Variants in KCTD16 observed in about 807,000 individuals in gnomAD.
KCTD16 encodes potassium channel tetramerization domain containing 16, also known as BTB/POZ domain-containing protein KCTD16.
In KCTD16, 13 loss-of-function variants were observed where a neutral mutation model predicts 33.2. The observed-to-expected ratio is 0.39, with a 90% CI of 0.25 to 0.62. The LOEUF is 0.62. KCTD16 is among the 20% of genes least tolerant of loss of function. The pLI is 0.50. For synonymous variants in KCTD16, 197 were observed against 195.3 expected (o/e 1.01, Z -0.07); for missense variants, 441 against 525.1 (o/e 0.84, Z 1.57).
rs138581516 is a variant in KCTD16 at position 144,308,443 on chromosome 5, CG to C, written c.832+100900del. 3.2e-3 allele frequency among the ~76,000 whole-genome samples: 486 copies of C among 152,266 alleles called. 2 individuals are homozygous for C. The highest frequency in any genetic ancestry group is 0.011 in the African/African-American group (472 of 41,566). On this transcript the variant is annotated intron_variant, in intron 3 of 3. Coordinates refer to ENST00000512467, the MANE Select transcript of KCTD16 (RefSeq NM_020768.4). ...TGGGAAAAATTTAGCCCGCCTGAGGCGGGTGGGCAGGTGTTGATTTTTTTGT... is the reference window on the plus strand; with the variant it reads ...TGGGAAAAATTTAGCCCGCCTGAGGCGGTGGGCAGGTGTTGATTTTTTTGT...
At chr5:144,383,918 T>C (rs188909050) in intron 3 of KCTD16, among the ~76,000 whole-genome samples, 1 of 152,262 alleles carries the variant, frequency 6.6e-6, no homozygotes, top group East Asian at 1.9e-4. Context: ...TACGTAAGAA[T>C]CTATTCATTA....
intron 3 of KCTD16, among the ~76,000 whole-genome samples, chr5:144,344,895 G>C (rs1268227426): frequency 3.3e-5 from 5 of 151,054 alleles, no homozygotes; most frequent in Middle Eastern, 3.4e-3. Context: ...GCTATAAAGA[G>C]ACATGCACAC....
Position 144,207,382 on chromosome 5 carries a change from C to A in KCTD16, c.668C>A (p.Thr223Asn). Residue 223 changes from threonine (T) to asparagine (N), a missense_variant, in exon 3 of 4, where the codon ACC becomes AAC. Physicochemically the swap from Thr to Asn is moderately conservative, Grantham distance 65 (BLOSUM62 0). Transcript: ENST00000512467. ...RDPDRAPERY[T>N]SRFYLKFKHL... ...CCTGATCGAGCCCCAGAAAGATACACCTCCAGATTTTATCTCAAATTCAAG... is the reference window on the plus strand; with the variant it reads ...CCTGATCGAGCCCCAGAAAGATACAACTCCAGATTTTATCTCAAATTCAAG... 1.2e-6 allele frequency: 2 copies of A among 1,614,188 alleles called. No individual in the cohort carries two copies. Among genetic ancestry groups the A allele is most frequent in the Non-Finnish European group, 1.7e-6 (2 of 1,180,038 alleles).
At chr5:144,414,241 G>A (rs1008592999) in intron 3 of KCTD16, among the ~76,000 whole-genome samples, 1 of 151,986 alleles carries the variant, frequency 6.6e-6, no homozygotes, top group African/African-American at 2.4e-5. Context: ...TCCTCTCCAC[G>A]GTGTCGACAT....
At chr5:144,222,779 A>G (rs1753802095) in intron 3 of KCTD16, among the ~76,000 whole-genome samples, 1 of 152,238 alleles carries the variant, frequency 6.6e-6, no homozygotes, top group Non-Finnish European at 1.5e-5. Context: ...TGACCCAGCC[A>G]TCCCATTACT....
At chr5:144,271,184 T>C (rs1339924938) in intron 3 of KCTD16, among the ~76,000 whole-genome samples, 2 of 152,026 alleles carry the variant, frequency 1.3e-5, no homozygotes, top group African/African-American at 4.8e-5. Context: ...CAGTATTACC[T>C]TAATACCAAA....
At chr5:144,463,408 TAAAAACTTA>T in intron 3 of KCTD16, among the ~76,000 whole-genome samples, 1 of 152,256 alleles carries the variant, frequency 6.6e-6, no homozygotes, top group Non-Finnish European at 1.5e-5. Flanking sequence ...AATTGTCTTC[TAAAAACTTA>T]TTATTCAGTG....
Position 144,484,438 on chromosome 5 carries a change from A to G in KCTD16, c.*10324A>G, listed in dbSNP as rs749104570. ...AATCTTAGTTGAATTCCTCTTCCCC[A>G]TGTCTTTCAAAACCAGAGCACTGGG... On this transcript the variant is annotated 3_prime_UTR_variant, in exon 4 of 4. Transcript: ENST00000512467. The G allele has an allele frequency of 6.6e-5, 10 of 152,072 alleles. No individual in the cohort carries two copies. Among genetic ancestry groups the G allele is most frequent in the Admixed American group, 1.3e-4 (2 of 15,238 alleles). 9.4% of individuals were successfully genotyped at this position (152,072 alleles called of 1,614,324 possible).
At chr5:144,470,020 C>T (rs527565266) in intron 3 of KCTD16, among the ~76,000 whole-genome samples, 2 of 151,902 alleles carry the variant, frequency 1.3e-5, no homozygotes, top group East Asian at 1.9e-4. Flanking sequence ...CTTCCCACAT[C>T]TGGCTAATCA....
At chr5:144,472,005 T>A (rs1439806996) in intron 3 of KCTD16, among the ~76,000 whole-genome samples, 1 of 152,222 alleles carries the variant, frequency 6.6e-6, no homozygotes, top group Non-Finnish European at 1.5e-5. Context: ...ACAGACTTTA[T>A]ACAAGAAGAT....
intron 3 of KCTD16, among the ~76,000 whole-genome samples, chr5:144,265,850 G>A (rs887621149): frequency 7.2e-5 from 11 of 152,262 alleles, no homozygotes; most frequent in Admixed American, 7.2e-4. Flanking sequence ...ATTACGTAAT[G>A]TGCCAAGTTC....
intron 3 of KCTD16, among the ~76,000 whole-genome samples, chr5:144,343,145 A>G (rs1462414355): frequency 6.6e-6 from 1 of 152,136 alleles, no homozygotes; most frequent in Non-Finnish European, 1.5e-5. Flanking sequence ...ATAGTTTCAG[A>G]AGGAATGATA....
At chr5:144,265,637 TTC>T (rs1266613742) in intron 3 of KCTD16, among the ~76,000 whole-genome samples, 2 of 152,312 alleles carry the variant, frequency 1.3e-5, no homozygotes, top group Admixed American at 1.3e-4. Context: ...CTGTGCTTGG[TTC>T]TTAGAACACT....
rs368957124 is a variant in KCTD16, at chr5:144,479,365, C to CAAAAAAAAAAAAAAAAA, written c.*5267_*5268insAAAAAAAAAAAAAAAAA. 6 of 92,340 alleles carry CAAAAAAAAAAAAAAAAA rather than the reference C, an allele frequency of 6.5e-5. No individual in the cohort carries two copies. Among genetic ancestry groups the CAAAAAAAAAAAAAAAAA allele is most frequent in the South Asian group, 3.9e-4 (1 of 2,576 alleles). 5.7% of individuals were successfully genotyped at this position (92,340 alleles called of 1,614,324 possible). ...CCAAACTGATGTGTAAGAATAAATG[C>CAAAAAAAAAAAAAAAAA]AAAAAAAAAAAAAAAAGAAAAAGAA... On this transcript the variant is annotated 3_prime_UTR_variant, in exon 4 of 4. Transcript: ENST00000512467.
At chr5:144,204,423 G>T (rs1171769212) in intron 2 of KCTD16, among the ~76,000 whole-genome samples, 1 of 152,192 alleles carries the variant, frequency 6.6e-6, no homozygotes, top group Non-Finnish European at 1.5e-5. Context: ...AGGCTCAACT[G>T]GAAGCACTTT....
At chr5:144,374,338 G>T (rs1436207037) in intron 3 of KCTD16, among the ~76,000 whole-genome samples, 1 of 150,450 alleles carries the variant, frequency 6.6e-6, no homozygotes, top group African/African-American at 2.5e-5. Flanking sequence ...CATTCTTCTA[G>T]GTACTCTGGG....
chr5:144,265,936 G>A (rs532539782), intron 3 of KCTD16, among the ~76,000 whole-genome samples: 2 of 152,130 alleles, frequency 1.3e-5, no homozygotes, highest in African/African-American at 4.8e-5. Context: ...CCTATATATG[G>A]CCTCAAAAAG....
chr5:144,480,281 T>C lies in KCTD16; in HGVS notation c.*6167T>C, dbSNP rs1754679197. ...TTACATAGTTTAACAGCTTTTTAGT[T>C]CAGCACAATAGTTTGTCTCTACTGT... On this transcript the variant is annotated 3_prime_UTR_variant, in exon 4 of 4. Transcript: ENST00000512467. 1 of 151,976 alleles carries C rather than the reference T, an allele frequency of 6.6e-6. No individual in the cohort carries two copies. Among genetic ancestry groups the C allele is most frequent in the Non-Finnish European group, 1.5e-5 (1 of 67,928 alleles). 9.4% of individuals were successfully genotyped at this position (151,976 alleles called of 1,614,324 possible).
At chr5:144,199,036 C>T (rs2126784466) in intron 2 of KCTD16, among the ~76,000 whole-genome samples, 1 of 152,222 alleles carries the variant, frequency 6.6e-6, no homozygotes. Context: ...CCACAAATTC[C>T]ATTTACACAT....
Sources: allele counts gnomAD v4.1 joint callset (sites outside exome capture counted in the v4.1 genomes callset), GRCh38; gene constraint gnomAD v4.1.1; transcripts MANE v1.5; gene names NCBI Gene and HGNC (gene_info 2026-07-23, HGNC 2026-07-21).